FXYD6: variants seen among roughly 807,000 people sequenced by gnomAD.
The protein encoded by FXYD6 is FXYD domain-containing ion transport regulator 6.
In FXYD6, 7 loss-of-function variants were observed where a neutral mutation model predicts 16.7. The observed-to-expected ratio is 0.42, with a 90% confidence interval of 0.24 to 0.79. FXYD6 has a LOEUF of 0.79. FXYD6 is among the 30% of genes least tolerant of loss of function. FXYD6 has a pLI of 0.28. For synonymous variants in FXYD6, 49 were observed against 43.0 expected (o/e 1.14, Z -0.54); for missense variants, 111 against 116.2 (o/e 0.95, Z 0.21).
At position 117,870,896 on chromosome 11, in the gene FXYD6, T is replaced by G. The variant is rs980837248; in HGVS notation, c.-6+5696A>C. 6.6e-6 allele frequency among the ~76,000 whole-genome samples: 1 copy of G among 152,180 alleles called. No individual in the cohort carries two copies. Among genetic ancestry groups the G allele is most frequent in the African/African-American group, 2.4e-5 (1 of 41,426 alleles). On this transcript the variant is annotated intron_variant, in intron 1 of 7. Transcript: ENST00000526014. This position sits in a 1 kb window ranked among gnomAD's most constrained non-coding sequence, Gnocchi z 4.2. Reference sequence around the variant, plus strand: ...CACACTCTGGCCATCTCTGGATCCCTGGCACTGAGCACAGCAGCTGCTCAA... The same window carrying G: ...CACACTCTGGCCATCTCTGGATCCCGGGCACTGAGCACAGCAGCTGCTCAA...
rs57385031 is a variant in FXYD6 at position 117,838,041 on chromosome 11, TCACACACACACA to T, written c.*246_*257del. 11 of 591,118 alleles carry T rather than the reference TCACACACACACA, an allele frequency of 1.9e-5. No individual in the cohort carries two copies. Among genetic ancestry groups the T allele is most frequent in the Middle Eastern group, 9.1e-4 (2 of 2,194 alleles). The allele number at this position is 591,118 out of a possible 1,614,324, so 36.6% of individuals were successfully genotyped here. ...GACCACAGTTAGCAAACACACACAGTCACACACACACACACACACACACACATCACGGGAGGT... is the reference window on the plus strand; with the variant it reads ...GACCACAGTTAGCAAACACACACAGTCACACACACACACATCACGGGAGGT... On this transcript the variant is annotated 3_prime_UTR_variant, in exon 8 of 8. Transcript: ENST00000526014.
chr11:117,857,410 A>ATTT (rs66790457), intron 1 of FXYD6, among the ~76,000 whole-genome samples: 14,691 of 138,304 alleles, frequency 0.11, 1,494 homozygotes, highest in African/African-American at 0.25. Flanking sequence ...AAAGAAGTGG[A>ATTT]TTTTTTTTTT....
rs984895477 is a variant in FXYD6, at chr11:117,860,119, G to C, written c.-6+16473C>G. On this transcript the variant is annotated intron_variant, in intron 1 of 7. Transcript: ENST00000526014. The stretch of plus-strand genomic sequence containing the variant: ...GTGCAGGATTCTGGACTTCAGCCCT[G>C]CTCTGTCTGCCTGGCTGTTGGTGGA... Among the ~76,000 whole-genome samples, 5 of 151,862 alleles carry C rather than the reference G, an allele frequency of 3.3e-5. No individual in the cohort carries two copies. The East Asian group carries it at 5.8e-4, about 18-fold the overall frequency.
intron 2 of FXYD6, 99 bp downstream of exon 2, chr11:117,842,620 C>G: frequency 1.6e-6 from 2 of 1,227,448 alleles, no homozygotes; most frequent in Non-Finnish European, 2.3e-6. Context: ...ACGTGAGAGT[C>G]CCCCAGCCCT....
chr11:117,837,869 A>C lies in FXYD6; in HGVS notation c.*430T>G. 3.1e-6 allele frequency: 1 copy of C among 318,494 alleles called. No individual in the cohort carries two copies. Among genetic ancestry groups the C allele is most frequent in the South Asian group, 5.3e-5 (1 of 18,978 alleles). 19.7% of individuals were successfully genotyped at this position (318,494 alleles called of 1,614,324 possible). ...TCAGGGGAGGGGGCTGGTCTCGGGC[A>C]ACAAGCAGCCTCCTAGGAGCAGAAG... On this transcript the variant is annotated 3_prime_UTR_variant, in exon 8 of 8. Transcript: ENST00000526014. The surrounding 1 kb of genome is among the most constrained non-coding windows in gnomAD (Gnocchi z 4.4).
intron 1 of FXYD6, among the ~76,000 whole-genome samples, chr11:117,863,262 G>A (rs538912591): frequency 6.6e-6 from 1 of 152,172 alleles, no homozygotes; most frequent in African/African-American, 2.4e-5. Context: ...TAAAATTGGA[G>A]GCCCCAATTT....
At position 117,870,316 on chromosome 11, in the gene FXYD6, G is replaced by A. The variant is rs2057107635; in HGVS notation, c.-6+6276C>T. On this transcript the variant is annotated intron_variant, in intron 1 of 7. Coordinates refer to ENST00000526014, the MANE Select transcript of FXYD6 (RefSeq NM_022003.4). The surrounding 1 kb of genome is among the most constrained non-coding windows in gnomAD (Gnocchi z 4.2). Reference sequence around the variant, plus strand: ...TGGTATTGCACAGAAGCCACAGGCTGGGGCCCCAGCAGGCTGCACGCCCCA... The same window carrying A: ...TGGTATTGCACAGAAGCCACAGGCTAGGGCCCCAGCAGGCTGCACGCCCCA... Among the ~76,000 whole-genome samples, 1 of 152,214 alleles carries A rather than the reference G, an allele frequency of 6.6e-6. No individual in the cohort carries two copies. Among genetic ancestry groups the A allele is most frequent in the African/African-American group, 2.4e-5 (1 of 41,466 alleles).
intron 1 of FXYD6, among the ~76,000 whole-genome samples, chr11:117,869,866 AGTGC>A (rs10542328): frequency 0.92 from 139,086 of 151,984 alleles, 64,074 homozygotes; most frequent in East Asian, 0.99. Context: ...CTGGTCTTTC[AGTGC>A]GTGCCGGCCT....
At chr11:117,862,945 GGATGAT>G (rs200902855) in intron 1 of FXYD6, among the ~76,000 whole-genome samples, 5 of 151,864 alleles carry the variant, frequency 3.3e-5, no homozygotes, top group South Asian at 2.1e-4. Flanking sequence ...TGGTCAAAGG[GGATGAT>G]GATGATGATG....
chr11:117,876,536 G>A (rs1046574498), intron 1 of FXYD6, 56 bp downstream of exon 1: 4 of 152,572 alleles, frequency 2.6e-5, no homozygotes, highest in Non-Finnish European at 5.9e-5. Flanking sequence ...TCCCCACCGA[G>A]CCTCGCCCCT....
intron 1 of FXYD6, chr11:117,869,004 A>G (rs1039221343): frequency 6.6e-6 from 1 of 152,236 alleles, no homozygotes; most frequent in Non-Finnish European, 1.5e-5. Context: ...CTTTTAAAAC[A>G]AGTGCTTTGG....
chr11:117,872,509 G>A lies in FXYD6; in HGVS notation c.-6+4083C>T, dbSNP rs907193262. 1.1e-4 allele frequency among the ~76,000 whole-genome samples: 16 copies of A among 152,276 alleles called. No individual in the cohort carries two copies. The highest frequency in any genetic ancestry group is 3.4e-4 in the African/African-American group (14 of 41,554). ...GGGAACATTTATTAAAAGGATGAAC[G>A]AGGGAGTTTGAAACCTTAGCCTCTG... On this transcript the variant is annotated intron_variant, in intron 1 of 7. Coordinates refer to ENST00000526014, the MANE Select transcript of FXYD6 (RefSeq NM_022003.4). This position sits in a 1 kb window ranked among gnomAD's most constrained non-coding sequence, Gnocchi z 4.9.
chr11:117,838,027 G>C lies in FXYD6; in HGVS notation c.*272C>G, dbSNP rs2056238899. 1.6e-6 allele frequency: 1 copy of C among 608,530 alleles called. No individual in the cohort carries two copies. The highest frequency in any genetic ancestry group is 2.9e-6 in the Non-Finnish European group (1 of 340,364). The allele number at this position is 608,530 out of a possible 1,614,324, so 37.7% of individuals were successfully genotyped here. On this transcript the variant is annotated 3_prime_UTR_variant, in exon 8 of 8. Coordinates refer to ENST00000526014, the MANE Select transcript of FXYD6 (RefSeq NM_022003.4). ...CAAGTAGCCACAAAGACCACAGTTA[G>C]CAAACACACACAGTCACACACACAC...
intron 1 of FXYD6, among the ~76,000 whole-genome samples, chr11:117,874,848 A>C (rs1022729275): frequency 2.0e-5 from 3 of 152,222 alleles, no homozygotes; most frequent in Non-Finnish European, 4.4e-5. Flanking sequence ...GAGGAGGGAA[A>C]AGGGCTGCGC....
intron 1 of FXYD6, among the ~76,000 whole-genome samples, chr11:117,862,099 A>G (rs1467195779): frequency 6.6e-6 from 1 of 152,230 alleles, no homozygotes; most frequent in Non-Finnish European, 1.5e-5. Flanking sequence ...GCGATGCCCC[A>G]GAGGAAGTGG....
intron 1 of FXYD6, among the ~76,000 whole-genome samples, chr11:117,851,856 GGCA>G (rs2056616828): frequency 6.6e-6 from 1 of 152,202 alleles, no homozygotes; most frequent in Non-Finnish European, 1.5e-5. Flanking sequence ...TTTGAATACT[GGCA>G]GGAGCTGCAA....
At chr11:117,874,407 T>C (rs1171062682) in intron 1 of FXYD6, among the ~76,000 whole-genome samples, 4 of 152,160 alleles carry the variant, frequency 2.6e-5, no homozygotes, top group Admixed American at 6.5e-5. Context: ...CTTCCTCTCC[T>C]AGATGCACAG....
chr11:117,854,555 C>T (rs527294466), intron 1 of FXYD6, among the ~76,000 whole-genome samples: 1 of 152,202 alleles, frequency 6.6e-6, no homozygotes, highest in East Asian at 1.9e-4. Context: ...CAAGATACAG[C>T]CTTAGCTACC....
In FXYD6 at chr11:117,838,016, G is replaced by A; in HGVS notation, c.*283C>T. On this transcript the variant is annotated 3_prime_UTR_variant, in exon 8 of 8. Transcript: ENST00000526014. Reference sequence around the variant, plus strand: ...CCATCCACAAACAAGTAGCCACAAAGACCACAGTTAGCAAACACACACAGT... The same window carrying A: ...CCATCCACAAACAAGTAGCCACAAAAACCACAGTTAGCAAACACACACAGT... 1.7e-6 allele frequency: 1 copy of A among 605,806 alleles called. No individual in the cohort carries two copies. The highest frequency in any genetic ancestry group is 3.0e-6 in the Non-Finnish European group (1 of 337,608). 37.5% of individuals were successfully genotyped at this position (605,806 alleles called of 1,614,324 possible). A position where few individuals can be genotyped will look rare whatever the true frequency, so the allele number is the denominator to read the frequency against.
Sources: gnomAD v4.1 joint callset for allele counts (sites outside exome capture counted in the v4.1 genomes callset) on GRCh38, gnomAD v4.1.1 for gene constraint, Gnocchi (gnomAD v3.1) non-coding constraint, MANE v1.5 for transcripts, NCBI Gene and HGNC (gene_info 2026-07-23, HGNC 2026-07-21) for gene names.